Variants in CNGB3 observed in about 807,000 individuals in gnomAD.
CNGB3 encodes cyclic nucleotide gated channel subunit beta 3.
In CNGB3, 86 loss-of-function variants were observed where a neutral mutation model predicts 92.8. The observed-to-expected ratio is 0.93, with a 90% CI of 0.78 to 1.11. The LOEUF (loss-of-function observed/expected upper bound fraction) is 1.11, where lower values mean the gene tolerates loss of function less well. Ranked by LOEUF, CNGB3 falls within the 50% of genes least tolerant of loss-of-function variation. The pLI, the probability that CNGB3 is intolerant of heterozygous loss-of-function variation, is 0.00. For synonymous variants in CNGB3, 333 were observed against 332.7 expected, an observed-to-expected ratio of 1.00 and a Z score of -0.01; for missense variants, 1,026 against 956.8, an observed-to-expected ratio of 1.07 and a Z score of -0.95.
At chr8:86,694,070 G>T (rs1472930944) in intron 3 of CNGB3, among the ~76,000 whole-genome samples, 79 of 2,000 alleles carry the variant, frequency 0.04, 2 homozygotes, top group African/African-American at 0.089. Context: ...CTGGCCGGGC[G>T]GGGGGGCTGA....
chr8:86,594,300 A>G (rs577596377), intron 15 of CNGB3: 79 of 292,792 alleles, frequency 2.7e-4, no homozygotes, highest in African/African-American at 1.7e-3. Flanking sequence ...GCTTGGAAGG[A>G]GTGGGAGAAG....
chr8:86,714,171 A>G (rs1824803300), intron 3 of CNGB3, among the ~76,000 whole-genome samples: 1 of 152,134 alleles, frequency 6.6e-6, no homozygotes, highest in Middle Eastern at 3.4e-3. Context: ...TTTTCTGACT[A>G]TTTGTCTTCC....
chr8:86,599,617 C>A (rs1822247687), intron 15 of CNGB3, among the ~76,000 whole-genome samples: 1 of 147,984 alleles, frequency 6.8e-6, no homozygotes, highest in African/African-American at 2.7e-5. Context: ...AAAATGGCCA[C>A]CTTGGGGGCG....
chr8:86,667,256 A>G (rs535460352), intron 5 of CNGB3, 123 bp from the exon 6 acceptor site: 1 of 803,568 alleles, frequency 1.2e-6, no homozygotes, highest in Admixed American at 2.0e-5. Flanking sequence ...AGGAGGCTCT[A>G]TTAAACATTC....
intron 7 of CNGB3, among the ~76,000 whole-genome samples, chr8:86,653,169 T>C (rs1823438691): frequency 1.3e-5 from 2 of 152,230 alleles, no homozygotes; most frequent in South Asian, 4.1e-4. Context: ...TAAATTAATT[T>C]AGTCCTTATT....
At chr8:86,628,838 CA>C in intron 12 of CNGB3, 80 bp downstream of exon 12, 1 of 1,444,404 alleles carries the variant, frequency 6.9e-7, no homozygotes, top group Non-Finnish European at 9.7e-7. Context: ...TGTTCAAATC[CA>C]ACTAGTCTCT....
chr8:86,651,304 A>T (rs1180328720), intron 7 of CNGB3, among the ~76,000 whole-genome samples: 1 of 151,816 alleles, frequency 6.6e-6, no homozygotes, highest in Non-Finnish European at 1.5e-5. Context: ...AAAAGCATAG[A>T]GTTGAGATAA....
At chr8:86,668,319 C>G in intron 4 of CNGB3, 151 bp from the exon 5 acceptor site, 1 of 591,418 alleles carries the variant, frequency 1.7e-6, no homozygotes, top group African/African-American at 1.9e-5. Context: ...GGGAACATCA[C>G]ACACTGGGGT....
intron 3 of CNGB3, chr8:86,704,146 A>G (rs1824608902): frequency 6.6e-6 from 1 of 152,202 alleles, no homozygotes; most frequent in African/African-American, 2.4e-5. Flanking sequence ...TACATGTTAC[A>G]TACTGCATTC....
intron 3 of CNGB3, among the ~76,000 whole-genome samples, chr8:86,717,561 C>CA (rs35692774): frequency 0.24 from 28,827 of 119,092 alleles, 3,506 homozygotes; most frequent in Middle Eastern, 0.33. Context: ...GACTCTGTCT[C>CA]AAAAAAAAAA....
chr8:86,647,076 A>T (rs1228245057), intron 8 of CNGB3, among the ~76,000 whole-genome samples: 2 of 151,076 alleles, frequency 1.3e-5, no homozygotes, highest in Non-Finnish European at 1.5e-5. Flanking sequence ...CTTTTCTGTT[A>T]TACAGAAGGT....
At chr8:86,699,211 A>G (rs886111858) in intron 3 of CNGB3, among the ~76,000 whole-genome samples, 2 of 152,150 alleles carry the variant, frequency 1.3e-5, no homozygotes, top group African/African-American at 4.8e-5. Context: ...TTTAAACTCC[A>G]TCTGTTGCAC....
chr8:86,632,681 A>G (rs558564309), intron 11 of CNGB3, 71 bp downstream of exon 11: 34 of 1,500,638 alleles, frequency 2.3e-5, no homozygotes, highest in Admixed American at 3.7e-5. Flanking sequence ...TTTCCTCCAT[A>G]AAGTTTACAA....
chr8:86,639,408 A>G (rs1823136595), intron 10 of CNGB3, among the ~76,000 whole-genome samples: 1 of 152,114 alleles, frequency 6.6e-6, no homozygotes, highest in Admixed American at 6.6e-5. Context: ...ATAAATAAAA[A>G]TGCCTTCTAT....
At chr8:86,743,447 C>T in intron 1 of CNGB3, 52 bp downstream of exon 1, 1 of 1,608,460 alleles carries the variant, frequency 6.2e-7, no homozygotes, top group Non-Finnish European at 8.5e-7. Context: ...ATGCTATTAC[C>T]AGATAAGAAA....
chr8:86,586,682 C>T lies in CNGB3; in HGVS notation c.1782-7430G>A, dbSNP rs1821901246. On this transcript the variant is annotated intron_variant, in intron 15 of 17. Coordinates refer to ENST00000320005, the MANE Select transcript of CNGB3 (RefSeq NM_019098.5). ...GACATGAATTCATCATTTTTTATGG[C>T]TGCATAGTATTCCATGGTGTATATG... is the stretch of plus-strand genomic sequence containing the variant. Among the ~76,000 whole-genome samples the T allele has an allele frequency of 1.3e-5, 2 of 151,176 alleles. 1 individual carries two copies. The highest frequency in any genetic ancestry group is 4.9e-5 in the African/African-American group (2 of 40,610).
chr8:86,661,036 G>T, intron 6 of CNGB3: 1 of 230,702 alleles, frequency 4.3e-6, no homozygotes, highest in Non-Finnish European at 8.7e-6. Flanking sequence ...TACTTTCCTG[G>T]GTTTTTTTGT....
rs183740655 is a variant in CNGB3, at chr8:86,742,198, C to T, written c.129+1301G>A. ...TATGTGCTCCCTTGGAAAATAATCA[C>T]AGTAGGCAAGGGTTAAAGATGGATG... is the stretch of plus-strand genomic sequence containing the variant. On this transcript the variant is annotated intron_variant, in intron 1 of 17. Coordinates refer to ENST00000320005, the MANE Select transcript of CNGB3 (RefSeq NM_019098.5). 3.3e-3 allele frequency among the ~76,000 whole-genome samples: 496 copies of T among 152,258 alleles called. 1 individual carries two copies. The highest frequency in any genetic ancestry group is 5.6e-3 in the Admixed American group (85 of 15,296).
intron 3 of CNGB3, among the ~76,000 whole-genome samples, chr8:86,691,437 C>T (rs1412731012): frequency 1.3e-5 from 2 of 152,100 alleles, no homozygotes; most frequent in African/African-American, 4.8e-5. Flanking sequence ...AGTGGGCATT[C>T]TTGTCTTATT....
Sources: allele counts gnomAD v4.1 joint callset (sites outside exome capture counted in the v4.1 genomes callset), GRCh38; gene constraint gnomAD v4.1.1; transcripts MANE v1.5; gene names NCBI Gene and HGNC (gene_info 2026-07-23, HGNC 2026-07-21).